The following IQSEC1 variants were observed in gnomAD, a reference collection of about 807,000 sequenced individuals.
IQSEC1 encodes the protein IQ motif and SEC7 domain-containing protein 1.
In IQSEC1, 31 loss-of-function variants were observed where a neutral mutation model predicts 91.0. That is an observed-to-expected ratio of 0.34 (90% CI 0.26 to 0.46). IQSEC1 has a LOEUF of 0.46. IQSEC1 is among the 20% of genes least tolerant of loss of function. IQSEC1 has a pLI of 1.00. For synonymous variants in IQSEC1, 699 were observed against 662.6 expected (o/e 1.05, Z -0.84); for missense variants, 1,388 against 1,575.6 (o/e 0.88, Z 2.02).
In IQSEC1 at chr3:12,900,839, TG is replaced by T; in HGVS notation, c.*143del. 6 of 1,516,902 alleles carry T rather than the reference TG, an allele frequency of 4.0e-6. No individual in the cohort carries two copies. Among genetic ancestry groups the T allele is most frequent in the Non-Finnish European group, 5.3e-6 (6 of 1,137,742 alleles). The allele number at this position is 1,516,902 out of a possible 1,614,324, so 94.0% of individuals were successfully genotyped here. A position where few individuals can be genotyped will look rare whatever the true frequency, so the allele number is the denominator to read the frequency against. Reference sequence around the variant, plus strand: ...ACACAACACCAGCCCTGTGGGCTCCTGGGGCTCCGGTTGGGCCGTGAGGGGC... The same window carrying T: ...ACACAACACCAGCCCTGTGGGCTCCTGGGCTCCGGTTGGGCCGTGAGGGGC... On this transcript the variant is annotated 3_prime_UTR_variant, in exon 14 of 14. Transcript: ENST00000613206.
chr3:13,267,999 G>A (rs1210924209), intron 1 of IQSEC1, among the ~76,000 whole-genome samples: 1 of 152,226 alleles, frequency 6.6e-6, no homozygotes, highest in African/African-American at 2.4e-5. Context: ...CCTCAGTCTG[G>A]AGCTTTCACA....
intron 1 of IQSEC1, among the ~76,000 whole-genome samples, chr3:13,238,659 G>C (rs1397669187): frequency 6.6e-6 from 1 of 152,220 alleles, no homozygotes; most frequent in African/African-American, 2.4e-5. Context: ...CAGCAAGGAG[G>C]GGTCAGCAAC....
At chr3:13,022,394 C>A in intron 1 of IQSEC1, 1 of 1,118,268 alleles carries the variant, frequency 8.9e-7, no homozygotes, top group Non-Finnish European at 1.1e-6. Context: ...ACACACTAGA[C>A]CCTGTGGCTT....
intron 1 of IQSEC1, among the ~76,000 whole-genome samples, chr3:12,943,931 C>T (rs1320931364): frequency 6.6e-6 from 1 of 152,214 alleles, no homozygotes; most frequent in Non-Finnish European, 1.5e-5. Flanking sequence ...TGGCTCTGGC[C>T]TCCGGGGTCA....
exon 1 of IQSEC1, among the ~76,000 whole-genome samples, chr3:13,283,192 G>A (rs967440392): frequency 2.0e-5 from 3 of 146,678 alleles, no homozygotes; most frequent in African/African-American, 7.4e-5. Flanking sequence ...GCTGCCCCGC[G>A]GACGCGCCGG....
chr3:13,100,243 G>A (rs1474181242), intron 2 of IQSEC1, among the ~76,000 whole-genome samples: 1 of 147,884 alleles, frequency 6.8e-6, no homozygotes, highest in Non-Finnish European at 1.5e-5. Context: ...GCAGACCATG[G>A]TCCTCCCTCC....
At chr3:13,127,835 A>G (rs1366215090) in intron 2 of IQSEC1, among the ~76,000 whole-genome samples, 1 of 152,236 alleles carries the variant, frequency 6.6e-6, no homozygotes, top group African/African-American at 2.4e-5. Context: ...GCATGTTTAC[A>G]TATACAAATC....
chr3:13,165,805 C>T (rs548560196), intron 1 of IQSEC1, among the ~76,000 whole-genome samples: 29 of 152,162 alleles, frequency 1.9e-4, no homozygotes, highest in Admixed American at 1.6e-3. Context: ...GGCAGAGCCA[C>T]CAGCCACACT....
rs772894950 is a variant in IQSEC1, at chr3:12,935,432, C to G, written c.1568+16G>C. ...GCCACAGCTGCCCACCCTGAGGGGT[C>G]ACCCATGGTACTCACTTGTTGAAGA... On this transcript the variant is annotated intron_variant, in intron 3 of 13. Coordinates refer to ENST00000613206, the MANE Select transcript of IQSEC1 (RefSeq NM_001134382.3). The surrounding 1 kb of genome is among the most constrained non-coding windows in gnomAD (Gnocchi z 8.0). 6.3e-7 allele frequency: 1 copy of G among 1,594,856 alleles called. No individual in the cohort carries two copies. Among genetic ancestry groups the G allele is most frequent in the Non-Finnish European group, 8.6e-7 (1 of 1,166,284 alleles).
At chr3:13,206,156 T>TCCCTCCATCCCCCCATCCAC (rs1694340549) in intron 1 of IQSEC1, among the ~76,000 whole-genome samples, 2 of 117,932 alleles carry the variant, frequency 1.7e-5, no homozygotes, top group Non-Finnish European at 1.8e-5. Context: ...CACCTATCCA[T>TCCCTCCATCCCCCCATCCAC]CCCTCCATCC....
At chr3:13,096,314 C>T (rs1185725624) in intron 2 of IQSEC1, among the ~76,000 whole-genome samples, 2 of 152,232 alleles carry the variant, frequency 1.3e-5, no homozygotes, top group African/African-American at 4.8e-5. Flanking sequence ...ATGTGGGGGA[C>T]AGGCCTCTAA....
chr3:13,042,874 T>C (rs1704335889), intron 1 of IQSEC1, among the ~76,000 whole-genome samples: 1 of 151,912 alleles, frequency 6.6e-6, no homozygotes, highest in Non-Finnish European at 1.5e-5. Flanking sequence ...GGAGAGCAGG[T>C]AGGGAGGGGG....
chr3:13,098,667 A>G (rs1706005516), intron 2 of IQSEC1, among the ~76,000 whole-genome samples: 1 of 152,186 alleles, frequency 6.6e-6, no homozygotes, highest in Non-Finnish European at 1.5e-5. Context: ...GCTAAAAATA[A>G]CATTATACAA....
intron 1 of IQSEC1, among the ~76,000 whole-genome samples, chr3:13,278,836 G>T (rs1482541806): frequency 6.6e-6 from 1 of 151,710 alleles, no homozygotes; most frequent in Non-Finnish European, 1.5e-5. Flanking sequence ...GGGCAGGGTG[G>T]GGGGGGACAG....
At chr3:13,068,426 C>A (rs1289331712) in intron 1 of IQSEC1, among the ~76,000 whole-genome samples, 1 of 152,226 alleles carries the variant, frequency 6.6e-6, no homozygotes, top group Non-Finnish European at 1.5e-5. Flanking sequence ...CAGGCCTGGG[C>A]CCTGGCCTTG....
intron 2 of IQSEC1, among the ~76,000 whole-genome samples, chr3:12,937,503 C>T (rs940760427): frequency 2.6e-5 from 4 of 152,218 alleles, no homozygotes; most frequent in Non-Finnish European, 5.9e-5. Flanking sequence ...GTGGGGTTTG[C>T]TGCACTGAGA....
chr3:13,047,600 G>A, intron 1 of IQSEC1: 2 of 749,502 alleles, frequency 2.7e-6, no homozygotes, highest in Non-Finnish European at 3.3e-6. Flanking sequence ...TGTCCACTCA[G>A]GCCCCAGCAG....
chr3:13,210,741 C>T lies in IQSEC1; in HGVS notation c.273-46608G>A, dbSNP rs1253941563. 2.0e-5 allele frequency among the ~76,000 whole-genome samples: 3 copies of T among 152,264 alleles called. No individual in the cohort carries two copies. The East Asian group carries it at 5.8e-4, about 29-fold the overall frequency. On this transcript the variant is annotated intron_variant, in intron 1 of 15. Coordinates refer to the IQSEC1 transcript ENST00000648114. ...GCCGAACTCCACAGAGCTGAGTGGG[C>T]TTCAGGCAGCCTCAGGAGTCATGTG... is the stretch of plus-strand genomic sequence containing the variant.
chr3:12,991,936 C>G (rs1265944535), intron 1 of IQSEC1, among the ~76,000 whole-genome samples: 1 of 152,072 alleles, frequency 6.6e-6, no homozygotes, highest in Non-Finnish European at 1.5e-5. Context: ...TGCCATGGGC[C>G]CTTTAAGCAG....
Sources: gnomAD v4.1 joint callset for allele counts (sites outside exome capture counted in the v4.1 genomes callset) on GRCh38, gnomAD v4.1.1 for gene constraint, Gnocchi (gnomAD v3.1) non-coding constraint, MANE v1.5 for transcripts, NCBI Gene and HGNC (gene_info 2026-07-23, HGNC 2026-07-21) for gene names.